Variants in PPP3CA observed in about 807,000 individuals in gnomAD.
The protein encoded by PPP3CA is CAM-PRP catalytic subunit.
PPP3CA carries 14 observed loss-of-function variants against 66.5 expected under a neutral mutation model. That is an observed-to-expected ratio of 0.21 (90% CI 0.14 to 0.33). The LOEUF (loss-of-function observed/expected upper bound fraction) is 0.33, where lower values mean the gene tolerates loss of function less well. Among genes scored for constraint, PPP3CA ranks in the 10% least tolerant of loss-of-function variants. PPP3CA has a pLI of 1.00. For missense variants in PPP3CA, 317 were observed against 639.5 expected (o/e 0.50, Z 5.44); for synonymous variants, 232 against 226.2 (o/e 1.03, Z -0.23).
rs994677018 is a variant in PPP3CA at position 101,087,463 on chromosome 4, T to C, written c.783-4200A>G. The stretch of plus-strand genomic sequence containing the variant: ...TATCAAACCCCAGAAACTCCTCATA[T>C]TTCTCTTACTGTCACCTCCTCTCTA... On this transcript the variant is annotated intron_variant, in intron 6 of 13. Transcript: ENST00000394854. 9.9e-5 allele frequency among the ~76,000 whole-genome samples: 15 copies of C among 152,204 alleles called. 1 individual carries two copies. Among genetic ancestry groups the C allele is most frequent in the Non-Finnish European group, 1.6e-4 (11 of 68,040 alleles).
At chr4:101,264,850 G>A (rs1348565990) in intron 1 of PPP3CA, among the ~76,000 whole-genome samples, 3 of 152,100 alleles carry the variant, frequency 2.0e-5, no homozygotes, top group Admixed American at 2.0e-4. Context: ...GTAGAGTTCT[G>A]GTGATATATG....
chr4:101,332,581 T>C (rs1391668678), intron 1 of PPP3CA, among the ~76,000 whole-genome samples: 3 of 152,156 alleles, frequency 2.0e-5, no homozygotes, highest in African/African-American at 7.2e-5. Flanking sequence ...TAATGAAAAT[T>C]ACTACTACTT....
rs201587374 is a variant in PPP3CA, at chr4:101,300,898, C to CA, written c.58+45840dup. Among the ~76,000 whole-genome samples, 1,344 of 151,786 alleles carry CA rather than the reference C, an allele frequency of 8.9e-3. 17 individuals are homozygous for CA. Among genetic ancestry groups the CA allele is most frequent in the African/African-American group, 0.031 (1,295 of 41,404 alleles). On this transcript the variant is annotated intron_variant, in intron 1 of 13. Transcript: ENST00000394854. Reference sequence around the variant, plus strand: ...TGAATAATTCTGAGTTCTCTCCATACAAAAAAAATCACTGTTTCTATCACT... The same window carrying CA: ...TGAATAATTCTGAGTTCTCTCCATACAAAAAAAAATCACTGTTTCTATCACT...
intron 11 of PPP3CA, among the ~76,000 whole-genome samples, chr4:101,034,410 G>A (rs1727147782): frequency 6.6e-6 from 1 of 151,724 alleles, no homozygotes. Flanking sequence ...TTTATCTAAG[G>A]CACTTATCAC....
chr4:101,251,096 C>T (rs1399893572), intron 1 of PPP3CA, among the ~76,000 whole-genome samples: 1 of 151,924 alleles, frequency 6.6e-6, no homozygotes, highest in African/African-American at 2.4e-5. Context: ...AATTTCTTTA[C>T]TATTTATTAA....
intron 2 of PPP3CA, among the ~76,000 whole-genome samples, chr4:101,136,750 A>C (rs953258061): frequency 2.0e-5 from 3 of 151,938 alleles, no homozygotes; most frequent in Non-Finnish European, 4.4e-5. Context: ...GTTTTGTGTG[A>C]AAATTGGGAA....
Position 101,032,380 on chromosome 4 carries a change from A to AG in PPP3CA, c.1242-17dup. 1 of 1,595,286 alleles carries AG rather than the reference A, an allele frequency of 6.3e-7. No individual in the cohort carries two copies. Among genetic ancestry groups the AG allele is most frequent in the Non-Finnish European group, 8.6e-7 (1 of 1,164,898 alleles). On this transcript the variant is annotated splice_polypyrimidine_tract_variant and intron_variant, in intron 11 of 13. Transcript: ENST00000394854. ...ACTCTCTTCTCTGGAAGGCACAATGAGGGGCGACATTAACTTTTAATTTCT... is the reference window on the plus strand; with the variant it reads ...ACTCTCTTCTCTGGAAGGCACAATGAGGGGGCGACATTAACTTTTAATTTCT...
Position 101,321,526 on chromosome 4 carries a change from C to T in PPP3CA, c.58+25213G>A, listed in dbSNP as rs575267435. Among the ~76,000 whole-genome samples the T allele has an allele frequency of 8.5e-5, 13 of 152,264 alleles. 1 individual carries two copies. The highest frequency in any genetic ancestry group is 3.3e-4 in the Admixed American group (5 of 15,288). On this transcript the variant is annotated intron_variant, in intron 1 of 13. Coordinates refer to ENST00000394854, the MANE Select transcript of PPP3CA (RefSeq NM_000944.5). ...ATGAGAATGAATGTCATTCCATCTTCGGTAATGACAATAAAATTTTTGTTT... is the reference window on the plus strand; with the variant it reads ...ATGAGAATGAATGTCATTCCATCTTTGGTAATGACAATAAAATTTTTGTTT...
chr4:101,217,135 C>A (rs917218700), intron 1 of PPP3CA, among the ~76,000 whole-genome samples: 1 of 152,066 alleles, frequency 6.6e-6, no homozygotes, highest in African/African-American at 2.4e-5. Context: ...TAAACTGAGG[C>A]TGGACATTGT....
intron 1 of PPP3CA, among the ~76,000 whole-genome samples, chr4:101,290,616 C>A (rs1411687248): frequency 6.6e-6 from 1 of 152,182 alleles, no homozygotes; most frequent in Admixed American, 6.5e-5. Context: ...AATGCATACA[C>A]CCTCGTGAAG....
At chr4:101,153,698 A>G (rs1214450241) in intron 2 of PPP3CA, among the ~76,000 whole-genome samples, 1 of 152,192 alleles carries the variant, frequency 6.6e-6, no homozygotes, top group East Asian at 1.9e-4. Flanking sequence ...TGCTTAGGAA[A>G]AAACAAACAG....
intron 2 of PPP3CA, among the ~76,000 whole-genome samples, chr4:101,189,769 A>C (rs1265580402): frequency 6.6e-6 from 1 of 151,884 alleles, no homozygotes. Flanking sequence ...ATCCCCCAAA[A>C]AACTATAAAA....
At chr4:101,101,931 G>C (rs966143406) in intron 3 of PPP3CA, among the ~76,000 whole-genome samples, 1 of 152,092 alleles carries the variant, frequency 6.6e-6, no homozygotes, top group Non-Finnish European at 1.5e-5. Context: ...ACCACTAGAG[G>C]AATCACATTC....
At chr4:101,120,802 A>G (rs1276130978) in intron 2 of PPP3CA, among the ~76,000 whole-genome samples, 1 of 152,064 alleles carries the variant, frequency 6.6e-6, no homozygotes, top group Non-Finnish European at 1.5e-5. Context: ...GTTTACCTCT[A>G]TAAAACAAAT....
intron 1 of PPP3CA, among the ~76,000 whole-genome samples, chr4:101,249,549 G>C (rs1726605843): frequency 6.6e-6 from 1 of 151,896 alleles, no homozygotes; most frequent in African/African-American, 2.4e-5. Flanking sequence ...AAAAAGTATT[G>C]AACATAAGGA....
chr4:101,068,324 A>T (rs1266294807), intron 8 of PPP3CA, among the ~76,000 whole-genome samples: 1 of 152,174 alleles, frequency 6.6e-6, no homozygotes, highest in Non-Finnish European at 1.5e-5. Context: ...TAGCAGAAAA[A>T]CTAGCATCAG....
rs150884138 is a variant in PPP3CA at position 101,317,816 on chromosome 4, G to T, written c.58+28923C>A. ...GTGGGCTCTGAAACCGATGGTCACTGGTTGACATCCTAGTATCACCACTTA... is the reference window on the plus strand; with the variant it reads ...GTGGGCTCTGAAACCGATGGTCACTTGTTGACATCCTAGTATCACCACTTA... On this transcript the variant is annotated intron_variant, in intron 1 of 13. Coordinates refer to ENST00000394854, the MANE Select transcript of PPP3CA (RefSeq NM_000944.5). Among the ~76,000 whole-genome samples, 20 of 152,282 alleles carry T rather than the reference G, an allele frequency of 1.3e-4. 1 individual carries two copies. The highest frequency in any genetic ancestry group is 4.8e-4 in the African/African-American group (20 of 41,550).
At chr4:101,085,736 T>C (rs1729636136) in intron 6 of PPP3CA, among the ~76,000 whole-genome samples, 1 of 152,042 alleles carries the variant, frequency 6.6e-6, no homozygotes, top group African/African-American at 2.4e-5. Context: ...TTTCTAATAG[T>C]ATTAGAAAAG....
chr4:101,188,147 G>A (rs760442125), intron 2 of PPP3CA, among the ~76,000 whole-genome samples: 2 of 151,942 alleles, frequency 1.3e-5, no homozygotes, highest in Non-Finnish European at 2.9e-5. Context: ...ATATCTTTTC[G>A]TATTAAAATA....
Sources: allele counts gnomAD v4.1 joint callset (sites outside exome capture counted in the v4.1 genomes callset), GRCh38; gene constraint gnomAD v4.1.1; transcripts MANE v1.5; gene names NCBI Gene and HGNC (gene_info 2026-07-23, HGNC 2026-07-21).